Variants in APBB1IP observed in about 807,000 individuals in gnomAD.
The protein encoded by APBB1IP is amyloid beta precursor protein binding family B member 1 interacting protein.
Under a neutral mutation model 64.9 loss-of-function variants are expected in APBB1IP, and 27 were observed. The observed-to-expected ratio is 0.42, with a 90% confidence interval of 0.31 to 0.57. The LOEUF (loss-of-function observed/expected upper bound fraction) is 0.57, where lower values mean the gene tolerates loss of function less well. Among genes scored for constraint, APBB1IP ranks in the 20% least tolerant of loss-of-function variants. APBB1IP has a pLI of 0.20. For missense variants in APBB1IP, 812 were observed against 845.5 expected, an observed-to-expected ratio of 0.96 and a Z score of 0.49; for synonymous variants, 392 against 331.0, an observed-to-expected ratio of 1.18 and a Z score of -2.00.
At chr10:26,468,127 C>T (rs1409391591) in intron 2 of APBB1IP, among the ~76,000 whole-genome samples, 1 of 152,176 alleles carries the variant, frequency 6.6e-6, no homozygotes. Flanking sequence ...AAAAGCTGGA[C>T]CCATGTCTTT....
chr10:26,560,529 TTAAC>T (rs2132483635), intron 12 of APBB1IP, among the ~76,000 whole-genome samples, 197 bp from the exon 13 acceptor site: 1 of 152,266 alleles, frequency 6.6e-6, no homozygotes, highest in Non-Finnish European at 1.5e-5. Context: ...GGTGAAAAAA[TTAAC>T]TGACTCTGTT....
In APBB1IP at chr10:26,464,662, G is replaced by T. The variant is rs563973495; in HGVS notation, c.-1+25809G>T. 3.9e-5 allele frequency among the ~76,000 whole-genome samples: 6 copies of T among 152,320 alleles called. No homozygotes were observed. The South Asian group carries it at 1.2e-3, about 32-fold the overall frequency. ...GGCCTCAAGAGATCCTCCCACCTTAGGTTCCCAAAGTTCTGGGATTACAGG... is the reference window on the plus strand; with the variant it reads ...GGCCTCAAGAGATCCTCCCACCTTATGTTCCCAAAGTTCTGGGATTACAGG... On this transcript the variant is annotated intron_variant, in intron 2 of 14. Coordinates refer to ENST00000376236, the MANE Select transcript of APBB1IP (RefSeq NM_019043.4).
At chr10:26,561,350 G>A (rs567017044) in intron 13 of APBB1IP, among the ~76,000 whole-genome samples, 1 of 147,474 alleles carries the variant, frequency 6.8e-6, no homozygotes, top group Non-Finnish European at 1.5e-5. Context: ...TTACAGGCGT[G>A]AACCATTGCA....
intron 8 of APBB1IP, among the ~76,000 whole-genome samples, chr10:26,523,516 C>T (rs771802649): frequency 6.6e-5 from 10 of 152,086 alleles, no homozygotes; most frequent in Admixed American, 3.3e-4. Flanking sequence ...TTCTAACATG[C>T]AAAAAGGCAA....
chr10:26,541,573 G>A lies in APBB1IP; in HGVS notation c.1045-9G>A. 1 of 1,592,656 alleles carries A rather than the reference G, an allele frequency of 6.3e-7. No homozygotes were observed. The highest frequency in any genetic ancestry group is 8.6e-7 in the Non-Finnish European group (1 of 1,164,492). On this transcript the variant is annotated splice_polypyrimidine_tract_variant and intron_variant, in intron 10 of 14. Coordinates refer to ENST00000376236, the MANE Select transcript of APBB1IP (RefSeq NM_019043.4). ...CAGTTGAAGTTTTATTTTTTTCCCT[G>A]TCTTTCAGACATCTCGAGATCTGGC... is the stretch of plus-strand genomic sequence containing the variant.
Position 26,496,398 on chromosome 10 carries a change from A to G in APBB1IP, c.160+7A>G. 6.3e-7 allele frequency: 1 copy of G among 1,594,230 alleles called. No homozygotes were observed. The highest frequency in any genetic ancestry group is 8.6e-7 in the Non-Finnish European group (1 of 1,163,438). ...GGGTTTAAAGATTTAAATGGTAAGC[A>G]TAACAATTTCTTTTCTTAAGTAATT... On this transcript the variant is annotated splice_region_variant and intron_variant, in intron 4 of 14. Coordinates refer to ENST00000376236, the MANE Select transcript of APBB1IP (RefSeq NM_019043.4).
intron 8 of APBB1IP, among the ~76,000 whole-genome samples, chr10:26,526,476 T>G (rs1836475271): frequency 6.6e-6 from 1 of 151,862 alleles, no homozygotes; most frequent in South Asian, 2.1e-4. Flanking sequence ...ATCCCAGCAC[T>G]TTGGGAGGCC....
intron 8 of APBB1IP, among the ~76,000 whole-genome samples, chr10:26,522,194 G>A (rs1040743544): frequency 3.2e-5 from 4 of 124,644 alleles, no homozygotes; most frequent in Non-Finnish European, 5.2e-5. Context: ...ACATGAATAA[G>A]TTTTTATTTT....
At chr10:26,508,488 T>TA (rs1836212334) in intron 6 of APBB1IP, among the ~76,000 whole-genome samples, 1 of 152,022 alleles carries the variant, frequency 6.6e-6, no homozygotes, top group Non-Finnish European at 1.5e-5. Context: ...GAAGAAATTA[T>TA]AAAAAATTAT....
intron 11 of APBB1IP, among the ~76,000 whole-genome samples, chr10:26,555,736 C>T (rs1362752278): frequency 6.6e-6 from 1 of 152,160 alleles, no homozygotes; most frequent in African/African-American, 2.4e-5. Flanking sequence ...GTAGCTGGAA[C>T]TACAGGTGTG....
At chr10:26,451,027 T>G (rs1835459942) in intron 2 of APBB1IP, among the ~76,000 whole-genome samples, 1 of 152,088 alleles carries the variant, frequency 6.6e-6, no homozygotes, top group Non-Finnish European at 1.5e-5. Context: ...AGCAATGAGA[T>G]GCAGGTGTGT....
At chr10:26,556,507 TAGCA>T (rs1213791564) in intron 11 of APBB1IP, among the ~76,000 whole-genome samples, 1 of 152,230 alleles carries the variant, frequency 6.6e-6, no homozygotes, top group Admixed American at 6.5e-5. Context: ...ACCTGACCTA[TAGCA>T]AGGTTTATCA....
intron 2 of APBB1IP, 110 bp from the exon 3 acceptor site, chr10:26,492,217 A>G (rs946735421): frequency 2.9e-5 from 27 of 938,730 alleles, no homozygotes; most frequent in Non-Finnish European, 3.5e-5. Flanking sequence ...GTCCTCTCCC[A>G]ACTTAGCTGC....
chr10:26,493,385 A>G lies in APBB1IP; in HGVS notation c.72+987A>G, dbSNP rs542427387. On this transcript the variant is annotated intron_variant, in intron 3 of 14. Coordinates refer to ENST00000376236, the MANE Select transcript of APBB1IP (RefSeq NM_019043.4). ...AGGCAGGGAAATCACAAGAGTATTGATTGGGGAAATGATAAATGTCCATGA... is the reference window on the plus strand; with the variant it reads ...AGGCAGGGAAATCACAAGAGTATTGGTTGGGGAAATGATAAATGTCCATGA... Among the ~76,000 whole-genome samples, 169 of 152,332 alleles carry G rather than the reference A, an allele frequency of 1.1e-3. 1 individual carries two copies. The highest frequency in any genetic ancestry group is 4.0e-3 in the African/African-American group (166 of 41,576).
intron 2 of APBB1IP, among the ~76,000 whole-genome samples, chr10:26,491,477 G>A (rs1835953861): frequency 6.6e-6 from 1 of 152,176 alleles, no homozygotes; most frequent in Admixed American, 6.5e-5. Context: ...AAACAGAGCA[G>A]CCAGTTGCAA....
chr10:26,449,399 AATG>A (rs1835440738), intron 2 of APBB1IP, among the ~76,000 whole-genome samples: 2 of 152,212 alleles, frequency 1.3e-5, no homozygotes, highest in East Asian at 1.9e-4. Flanking sequence ...CAATAATAAA[AATG>A]ATGATGATGA....
Position 26,567,475 on chromosome 10 carries a change from G to T in APBB1IP, c.1988G>T (p.Gly663Val), listed in dbSNP as rs1837071527. 2 of 1,583,264 alleles carry T rather than the reference G, an allele frequency of 1.3e-6. No individual in the cohort carries two copies. Among genetic ancestry groups the T allele is most frequent in the African/African-American group, 2.7e-5 (2 of 73,908 alleles). The change falls in exon 15 of 15, where the codon GGC becomes GTC. Residue 663 changes from glycine to valine, a missense_variant. Coordinates refer to ENST00000376236, the MANE Select transcript of APBB1IP (RefSeq NM_019043.4). ...DLMKALQKKR[G>V]NVS Reference sequence around the variant, plus strand: ...ATGAAAGCTTTGCAAAAGAAGAGAGGCAACGTGTCCTAGGGACGGGCATGA... The same window carrying T: ...ATGAAAGCTTTGCAAAAGAAGAGAGTCAACGTGTCCTAGGGACGGGCATGA...
At chr10:26,470,561 T>C (rs1271474829) in intron 2 of APBB1IP, among the ~76,000 whole-genome samples, 1 of 152,104 alleles carries the variant, frequency 6.6e-6, no homozygotes, top group Non-Finnish European at 1.5e-5. Context: ...TAAATAAATA[T>C]GTTCGTTAGA....
intron 8 of APBB1IP, among the ~76,000 whole-genome samples, chr10:26,528,609 T>C (rs976833594): frequency 6.6e-6 from 1 of 152,166 alleles, no homozygotes. Flanking sequence ...CGATCTGTAT[T>C]TATCTTCTCC....
Sources: allele counts gnomAD v4.1 joint callset (sites outside exome capture counted in the v4.1 genomes callset), GRCh38; gene constraint gnomAD v4.1.1; transcripts MANE v1.5; gene names NCBI Gene and HGNC (gene_info 2026-07-23, HGNC 2026-07-21).